The following UPRT variants were observed in gnomAD, a reference collection of about 807,000 sequenced individuals.
UPRT encodes RP11-311P8.3.
UPRT carries 5 observed loss-of-function variants against 22.6 expected under a neutral mutation model. The ratio of observed to expected loss-of-function variants is 0.22; its 90% confidence interval spans 0.12 to 0.47. The LOEUF is 0.47. Ranked by LOEUF, UPRT falls within the 20% of genes least tolerant of loss-of-function variation. The pLI, the probability that UPRT is intolerant of heterozygous loss-of-function variation, is 0.99. For missense variants in UPRT, 181 were observed against 239.9 expected, an observed-to-expected ratio of 0.75 and a Z score of 1.62; for synonymous variants, 77 against 87.7, an observed-to-expected ratio of 0.88 and a Z score of 0.68.
At chrX:75,190,289 A>G (rs2082310509) in intron 4 of UPRT, among the ~76,000 whole-genome samples, 1 of 111,823 alleles carries the variant, frequency 8.9e-6, no homozygotes, top group Non-Finnish European at 1.9e-5. Context: ...TTTCCTTAAG[A>G]ATGTTGAATA....
chrX:75,192,014 C>T (rs187046384), intron 4 of UPRT, among the ~76,000 whole-genome samples: 10 of 111,534 alleles, frequency 9.0e-5, no homozygotes, highest in Non-Finnish European at 1.3e-4. Flanking sequence ...CTGGTACCTC[C>T]GTTGGTAATG....
intron 3 of UPRT, 25 bp from the exon 4 acceptor site, chrX:75,297,466 A>G: frequency 8.3e-7 from 1 of 1,202,264 alleles, no homozygotes; most frequent in Admixed American, 2.2e-5. Flanking sequence ...TGAAAGATAA[A>G]TTCTTTGGTT....
chrX:75,290,945 A>G (rs1251608410), intron 1 of UPRT, among the ~76,000 whole-genome samples: 1 of 111,765 alleles, frequency 8.9e-6, no homozygotes, highest in Non-Finnish European at 1.9e-5. Context: ...CCCTGAATGT[A>G]AAATAAAAGT....
chrX:75,177,653 G>A (rs2082252808), intron 4 of UPRT, among the ~76,000 whole-genome samples: 1 of 111,646 alleles, frequency 9.0e-6, no homozygotes, highest in South Asian at 3.8e-4. Flanking sequence ...ATATAAATAG[G>A]AAGGATACAA....
chrX:75,203,029 T>G (rs1259139588), intron 4 of UPRT, among the ~76,000 whole-genome samples: 1 of 111,382 alleles, frequency 9.0e-6, no homozygotes, highest in Non-Finnish European at 1.9e-5. Context: ...TCAAGACCCA[T>G]CAGTGTACTG....
At chrX:75,248,917 A>G (rs1483836872) in intron 4 of UPRT, among the ~76,000 whole-genome samples, 2 of 112,200 alleles carry the variant, frequency 1.8e-5, no homozygotes, top group East Asian at 5.6e-4. Context: ...ACATTCTTAA[A>G]GAAAAGAATT....
chrX:75,214,124 T>C (rs1300130535), intron 4 of UPRT, among the ~76,000 whole-genome samples: 3 of 112,189 alleles, frequency 2.7e-5, no homozygotes, highest in African/African-American at 9.7e-5. Context: ...AATCATACAA[T>C]GTCTGCTCTC....
chrX:75,248,816 C>T (rs1218176900), intron 4 of UPRT, among the ~76,000 whole-genome samples: 1 of 111,771 alleles, frequency 8.9e-6, no homozygotes. Context: ...AGAGAAAGGT[C>T]GGGTTATCCA....
chrX:75,161,775 A>G (rs1312704214), intron 2 of UPRT, among the ~76,000 whole-genome samples: 1 of 111,946 alleles, frequency 8.9e-6, no homozygotes, highest in African/African-American at 3.2e-5. Context: ...TCAAAACTCA[A>G]ACCTAAACCT....
At chrX:75,248,771 G>C (rs1158707970) in intron 4 of UPRT, among the ~76,000 whole-genome samples, 1 of 111,714 alleles carries the variant, frequency 9.0e-6, no homozygotes, top group Non-Finnish European at 1.9e-5. Context: ...ATTCACCAAA[G>C]TTGAAATGAA....
chrX:75,182,963 A>G (rs1355392742), intron 4 of UPRT, among the ~76,000 whole-genome samples: 2 of 109,918 alleles, frequency 1.8e-5, no homozygotes, highest in African/African-American at 6.6e-5. Flanking sequence ...ATCTTTCTAA[A>G]TTTTTGACGT....
intron 2 of UPRT, 43 bp from the exon 3 acceptor site, chrX:75,296,299 A>G: frequency 8.6e-7 from 1 of 1,157,510 alleles, no homozygotes; most frequent in Non-Finnish European, 1.2e-6. Context: ...CTAACAGGAG[A>G]TTCCCAGCAG....
At chrX:75,262,159 C>A (rs1158654466) in intron 4 of UPRT, among the ~76,000 whole-genome samples, 1 of 111,374 alleles carries the variant, frequency 9.0e-6, no homozygotes, top group Non-Finnish European at 1.9e-5. Flanking sequence ...AATTTTCAAC[C>A]CAGAATTTCA....
chrX:75,191,971 A>T (rs912997130), intron 4 of UPRT, among the ~76,000 whole-genome samples: 1 of 110,918 alleles, frequency 9.0e-6, no homozygotes, highest in Non-Finnish European at 1.9e-5. Context: ...ACTCTCCTGC[A>T]CCCACTGTCT....
At chrX:75,183,270 G>A (rs2082277242) in intron 4 of UPRT, among the ~76,000 whole-genome samples, 2 of 111,058 alleles carry the variant, frequency 1.8e-5, no homozygotes, top group East Asian at 5.7e-4. Context: ...AGAACATGTA[G>A]TGTTTGGTTT....
rs189493225 is a variant in UPRT, at chrX:75,292,740, C to A, written c.387-732C>A. On this transcript the variant is annotated intron_variant, in intron 1 of 6. Transcript: ENST00000373383. The stretch of plus-strand genomic sequence containing the variant: ...AGGAACAATACTACATTTTTATGTG[C>A]AGAAATAACATCAGTTATTTAACAT... Among the ~76,000 whole-genome samples, 443 of 110,964 alleles carry A rather than the reference C, an allele frequency of 4.0e-3. 2 individuals are homozygous for A. The highest frequency in any genetic ancestry group is 6.4e-3 in the Non-Finnish European group (341 of 52,884).
At chrX:75,239,442 T>C (rs945791563) in intron 4 of UPRT, among the ~76,000 whole-genome samples, 2 of 110,795 alleles carry the variant, frequency 1.8e-5, no homozygotes, top group African/African-American at 6.6e-5. Flanking sequence ...AGTAGCAAGA[T>C]TGAAACAGTA....
At chrX:75,289,317 T>C (rs1033131569) in intron 1 of UPRT, among the ~76,000 whole-genome samples, 2 of 111,461 alleles carry the variant, frequency 1.8e-5, no homozygotes, top group Non-Finnish European at 3.8e-5. Flanking sequence ...AATGACACAG[T>C]AGAAAAACAT....
At chrX:75,173,839 G>A (rs914553497) in intron 4 of UPRT, among the ~76,000 whole-genome samples, 6 of 112,228 alleles carry the variant, frequency 5.3e-5, no homozygotes, top group East Asian at 2.8e-4. Context: ...CCACTGGCCC[G>A]GGTGCTAAGT....
Sources: gnomAD v4.1 joint callset for allele counts (sites outside exome capture counted in the v4.1 genomes callset) on GRCh38, gnomAD v4.1.1 for gene constraint, MANE v1.5 for transcripts, NCBI Gene and HGNC (gene_info 2026-07-23, HGNC 2026-07-21) for gene names.